The following ST6GALNAC3 variants were observed in gnomAD, a reference collection of about 807,000 sequenced individuals.
The protein encoded by ST6GALNAC3 is ST6 N-acetylgalactosaminide alpha-2,6-sialyltransferase 3, also known as alpha-N-acetylgalactosaminide alpha-2,6-sialyltransferase 3.
Under a neutral mutation model 32.7 loss-of-function variants are expected in ST6GALNAC3, and 25 were observed. That is an observed-to-expected ratio of 0.76 (90% confidence interval 0.56 to 1.07). The LOEUF (loss-of-function observed/expected upper bound fraction) is 1.07. Among genes scored for constraint, ST6GALNAC3 ranks in the 50% least tolerant of loss-of-function variants. ST6GALNAC3 has a pLI of 0.00. For missense variants in ST6GALNAC3, 355 were observed against 382.4 expected (o/e 0.93, Z 0.60); for synonymous variants, 129 against 133.1 (o/e 0.97, Z 0.21).
chr1:76,416,713 C>T (rs565445183), intron 3 of ST6GALNAC3, among the ~76,000 whole-genome samples: 9 of 149,968 alleles, frequency 6.0e-5, no homozygotes, highest in African/African-American at 7.3e-5. Flanking sequence ...CTACAACCTC[C>T]GCCTCCCAGG....
At chr1:76,186,040 G>C (rs1174703522) in intron 1 of ST6GALNAC3, among the ~76,000 whole-genome samples, 1 of 151,996 alleles carries the variant, frequency 6.6e-6, no homozygotes, top group East Asian at 1.9e-4. Context: ...TTGTAGTTTT[G>C]GGAGGTCCTG....
chr1:76,336,714 C>T (rs1007227684), intron 2 of ST6GALNAC3, among the ~76,000 whole-genome samples: 1 of 152,150 alleles, frequency 6.6e-6, no homozygotes, highest in Admixed American at 6.5e-5. Context: ...CTACCCAGCA[C>T]CTCTGTGGAC....
At chr1:76,439,486 C>T (rs764803572) in intron 3 of ST6GALNAC3, among the ~76,000 whole-genome samples, 6 of 152,164 alleles carry the variant, frequency 3.9e-5, no homozygotes, top group Non-Finnish European at 8.8e-5. Flanking sequence ...GTTATTGCTG[C>T]AGGTTGAAGA....
chr1:76,533,485 C>T (rs1419469315), intron 3 of ST6GALNAC3, among the ~76,000 whole-genome samples: 1 of 152,132 alleles, frequency 6.6e-6, no homozygotes. Flanking sequence ...CCCGCCTGCT[C>T]AGGAACCCCG....
intron 1 of ST6GALNAC3, among the ~76,000 whole-genome samples, chr1:76,278,110 GTCTT>G (rs906234131): frequency 2.3e-5 from 3 of 130,450 alleles, no homozygotes; most frequent in African/African-American, 3.7e-5. Context: ...ATAATGTTGA[GTCTT>G]TCTATCTATA....
chr1:76,622,045 T>A (rs1366014967), intron 3 of ST6GALNAC3, among the ~76,000 whole-genome samples: 2 of 152,058 alleles, frequency 1.3e-5, no homozygotes, highest in African/African-American at 4.8e-5. Context: ...GGGGTCTTGA[T>A]ACCCTTCAGG....
chr1:76,416,034 A>ACACACAC (rs1654594146), intron 3 of ST6GALNAC3, among the ~76,000 whole-genome samples: 1 of 144,334 alleles, frequency 6.9e-6, no homozygotes. Context: ...TTTATTCCAC[A>ACACACAC]ACACACACAC....
At chr1:76,318,210 G>A (rs1646903315) in intron 2 of ST6GALNAC3, among the ~76,000 whole-genome samples, 1 of 152,064 alleles carries the variant, frequency 6.6e-6, no homozygotes, top group Non-Finnish European at 1.5e-5. Context: ...TGTGAAAACT[G>A]TGATGACTAT....
rs1293257761 is a variant in ST6GALNAC3, at chr1:76,632,178, A to C, written c.*3372A>C. On this transcript the variant is annotated 3_prime_UTR_variant, in exon 5 of 5. Coordinates refer to ENST00000328299, the MANE Select transcript of ST6GALNAC3 (RefSeq NM_152996.4). The stretch of plus-strand genomic sequence containing the variant: ...AAGCCCTATTTTAGACTTCATCTGA[A>C]ATTCGTTGGGTTACATTTTGAATCC... The C allele has an allele frequency of 6.6e-6, 1 of 152,120 alleles. No individual in the cohort carries two copies. The highest frequency in any genetic ancestry group is 1.5e-5 in the Non-Finnish European group (1 of 68,004). The allele number at this position is 152,120 out of a possible 1,614,324, so 9.4% of individuals were successfully genotyped here.
intron 1 of ST6GALNAC3, among the ~76,000 whole-genome samples, chr1:76,248,817 G>T (rs1369164047): frequency 4.2e-5 from 6 of 142,698 alleles, no homozygotes; most frequent in Admixed American, 7.1e-5. Flanking sequence ...TCCTTTGTTT[G>T]TTCACGTGAC....
intron 1 of ST6GALNAC3, among the ~76,000 whole-genome samples, chr1:76,269,875 G>A (rs1380513610): frequency 1.3e-5 from 2 of 152,158 alleles, no homozygotes; most frequent in South Asian, 2.1e-4. Context: ...GCTCTTCAGC[G>A]TTGTGACTTA....
At chr1:76,157,828 T>G (rs1435161469) in intron 1 of ST6GALNAC3, among the ~76,000 whole-genome samples, 1 of 152,206 alleles carries the variant, frequency 6.6e-6, no homozygotes, top group Admixed American at 6.5e-5. Context: ...AAACCATGGA[T>G]TTTAAAAAAC....
At chr1:76,300,584 A>G (rs946155168) in intron 1 of ST6GALNAC3, among the ~76,000 whole-genome samples, 2 of 152,002 alleles carry the variant, frequency 1.3e-5, no homozygotes, top group East Asian at 1.9e-4. Context: ...AGGACAGCTA[A>G]GTGCTAAGTT....
At chr1:76,365,919 T>C (rs1650331451) in intron 2 of ST6GALNAC3, among the ~76,000 whole-genome samples, 1 of 152,168 alleles carries the variant, frequency 6.6e-6, no homozygotes, top group Admixed American at 6.6e-5. Context: ...CTCCTCCATC[T>C]CCTTCCAGTT....
intron 1 of ST6GALNAC3, among the ~76,000 whole-genome samples, chr1:76,114,456 T>A (rs1346181237): frequency 1.3e-5 from 2 of 152,190 alleles, no homozygotes; most frequent in East Asian, 3.9e-4. Context: ...ATAGAGTGAT[T>A]TTCTCTAGTT....
intron 1 of ST6GALNAC3, among the ~76,000 whole-genome samples, chr1:76,214,017 A>C (rs1159172863): frequency 6.6e-6 from 1 of 152,182 alleles, no homozygotes; most frequent in African/African-American, 2.4e-5. Flanking sequence ...AAACCCAAGA[A>C]AGAGCAAAAA....
At position 76,200,512 on chromosome 1, in the gene ST6GALNAC3, G is replaced by T. The variant is rs568949221; in HGVS notation, c.19-113293G>T. 4.6e-5 allele frequency among the ~76,000 whole-genome samples: 7 copies of T among 152,212 alleles called. No individual in the cohort carries two copies. The South Asian group carries it at 1.5e-3, about 32-fold the overall frequency. ...AGCTCAGATGGTTGCCTGCATGTGG[G>T]AGCAATGAAATAACCTATATTGCTT... is the stretch of plus-strand genomic sequence containing the variant. On this transcript the variant is annotated intron_variant, in intron 1 of 4. Transcript: ENST00000328299.
chr1:76,396,026 C>A (rs1242126838), intron 2 of ST6GALNAC3, among the ~76,000 whole-genome samples: 9 of 152,184 alleles, frequency 5.9e-5, no homozygotes, highest in Non-Finnish European at 8.8e-5. Flanking sequence ...ACCTTAAATA[C>A]TAACTTGGTC....
intron 1 of ST6GALNAC3, among the ~76,000 whole-genome samples, chr1:76,238,826 C>A (rs1656805560): frequency 6.6e-6 from 1 of 152,080 alleles, no homozygotes; most frequent in African/African-American, 2.4e-5. Flanking sequence ...CCTATACTTA[C>A]TGACAACGTC....
Sources: gnomAD v4.1 joint callset for allele counts (sites outside exome capture counted in the v4.1 genomes callset) on GRCh38, gnomAD v4.1.1 for gene constraint, MANE v1.5 for transcripts, NCBI Gene and HGNC (gene_info 2026-07-23, HGNC 2026-07-21) for gene names.